The following MECR variants were observed in gnomAD, a reference collection of about 807,000 sequenced individuals.
The protein encoded by MECR is enoyl-[acyl-carrier-protein] reductase, mitochondrial.
MECR carries 37 observed loss-of-function variants against 49.1 expected under a neutral mutation model. The observed-to-expected ratio is 0.75, with a 90% CI of 0.58 to 0.99. The LOEUF is 0.99. MECR is among the 50% of genes least tolerant of loss of function. The probability of loss-of-function intolerance (pLI) is 0.00; values close to 1 mark genes in which losing one functional copy is unlikely to be tolerated. For missense variants in MECR, 470 were observed against 479.6 expected (o/e 0.98, Z 0.19); for synonymous variants, 198 against 191.1 (o/e 1.04, Z -0.30).
At chr1:29,200,643 C>A in intron 6 of MECR, 54 bp from the exon 7 acceptor site, 2 of 1,508,692 alleles carry the variant, frequency 1.3e-6, no homozygotes, top group Non-Finnish European at 1.8e-6. Flanking sequence ...CATATGGGGT[C>A]TGAAGCTTGC....
In MECR at chr1:29,199,115, T is replaced by A. The variant is rs114064567; in HGVS notation, c.830+1401A>T. 4.8e-3 allele frequency among the ~76,000 whole-genome samples: 724 copies of A among 152,358 alleles called. 5 individuals are homozygous for A. The highest frequency in any genetic ancestry group is 0.017 in the African/African-American group (700 of 41,582). On this transcript the variant is annotated intron_variant, in intron 7 of 9. Transcript: ENST00000263702. The stretch of plus-strand genomic sequence containing the variant: ...CACATCAGTGTCGCAGCCCTCTCTG[T>A]ACCTGGTAGCTAGTAAGTGCTCAGC...
the MECR span, among the ~76,000 whole-genome samples, chr1:29,180,899 T>C: frequency 6.6e-6 from 1 of 152,230 alleles, no homozygotes; most frequent in Admixed American, 6.5e-5. Flanking sequence ...CAGACGCAGA[T>C]ACTAGCCAGG....
intron 3 of MECR, among the ~76,000 whole-genome samples, chr1:29,213,493 C>G (rs565804903): frequency 6.6e-6 from 1 of 152,212 alleles, no homozygotes; most frequent in African/African-American, 2.4e-5. Context: ...ACCTGTATCA[C>G]AGAGGAGGGT....
chr1:29,229,350 C>G (rs1052651809), intron 1 of MECR, among the ~76,000 whole-genome samples: 1 of 152,014 alleles, frequency 6.6e-6, no homozygotes, highest in East Asian at 1.9e-4. Flanking sequence ...TTACAGGTGC[C>G]CACCACCAAG....
chr1:29,193,879 G>T lies in MECR; in HGVS notation c.*143C>A. 6.1e-6 allele frequency: 6 copies of T among 978,972 alleles called. No individual in the cohort carries two copies. The highest frequency in any genetic ancestry group is 9.0e-6 in the Non-Finnish European group (6 of 664,486). 60.6% of individuals were successfully genotyped at this position (978,972 alleles called of 1,614,324 possible). A position where few individuals can be genotyped will look rare whatever the true frequency, so the allele number is the denominator to read the frequency against. On this transcript the variant is annotated 3_prime_UTR_variant, in exon 10 of 10. Transcript: ENST00000263702. ...TAAGGCTGGCCCTGGGGAAAACCGT[G>T]GCTGGCTTCACCATCCTCCTAATAG...
intron 9 of MECR, among the ~76,000 whole-genome samples, chr1:29,195,499 T>C (rs986125690): frequency 6.6e-6 from 1 of 152,212 alleles, no homozygotes; most frequent in East Asian, 1.9e-4. Flanking sequence ...TTAACCACTC[T>C]GAACCTCAAT....
chr1:29,169,710 T>C, the MECR span: 1 of 152,288 alleles, frequency 6.6e-6, no homozygotes, highest in Non-Finnish European at 1.5e-5. Flanking sequence ...TCTCTAATGA[T>C]GAACTAACCA....
At chr1:29,195,655 A>C (rs977559969) in intron 9 of MECR, among the ~76,000 whole-genome samples, 1 of 152,234 alleles carries the variant, frequency 6.6e-6, no homozygotes, top group Non-Finnish European at 1.5e-5. Flanking sequence ...GAACCCAGGC[A>C]GGCTGGCTCC....
intron 3 of MECR, among the ~76,000 whole-genome samples, chr1:29,214,518 C>T (rs377551783): frequency 9.2e-5 from 14 of 151,896 alleles, no homozygotes; most frequent in African/African-American, 3.4e-4. Context: ...CATGCCACCA[C>T]ACCCGGCTAA....
At chr1:29,169,043 C>T in the MECR span, 4 of 152,216 alleles carry the variant, frequency 2.6e-5, no homozygotes, top group Non-Finnish European at 4.4e-5. Context: ...TAACATGCAG[C>T]CCACTAGGAC....
the MECR span, chr1:29,173,336 G>C: frequency 5.3e-5 from 8 of 151,252 alleles, no homozygotes; most frequent in African/African-American, 1.9e-4. Context: ...AGTAGAGATA[G>C]GGTTTCACCA....
downstream of MECR, among the ~76,000 whole-genome samples, chr1:29,188,886 C>T (rs1382665727): frequency 6.6e-6 from 1 of 151,858 alleles, no homozygotes; most frequent in Admixed American, 6.6e-5. Context: ...GATCTGCCTG[C>T]CTCTGCCTCC....
chr1:29,177,951 G>A, the MECR span, among the ~76,000 whole-genome samples: 2 of 137,158 alleles, frequency 1.5e-5, no homozygotes, highest in Middle Eastern at 4.3e-3. Flanking sequence ...CTAGGTTGGA[G>A]TGCAGTGATG....
At chr1:29,223,027 T>G in intron 1 of MECR, 1 of 935,110 alleles carries the variant, frequency 1.1e-6, no homozygotes, top group South Asian at 4.9e-5. Context: ...TCTTCCCTGT[T>G]CTTTAAAAAA....
chr1:29,210,224 G>A (rs1361505619), intron 3 of MECR, among the ~76,000 whole-genome samples: 1 of 152,144 alleles, frequency 6.6e-6, no homozygotes, highest in Non-Finnish European at 1.5e-5. Flanking sequence ...GTGTTAGCCA[G>A]GATGGTCTCG....
chr1:29,192,331 G>T (rs527384743), downstream of MECR, among the ~76,000 whole-genome samples: 3 of 152,138 alleles, frequency 2.0e-5, no homozygotes, highest in South Asian at 2.1e-4. Context: ...TGTGCTGTTG[G>T]CTTTGCTTGG....
intron 7 of MECR, 24 bp from the exon 8 acceptor site, chr1:29,196,282 G>C (rs531281265): frequency 1.3e-6 from 2 of 1,599,842 alleles, no homozygotes; most frequent in East Asian, 4.5e-5. Flanking sequence ...AGAGAACAAA[G>C]AGTGGATGCA....
intron 3 of MECR, among the ~76,000 whole-genome samples, chr1:29,214,906 T>A (rs550761844): frequency 3.5e-4 from 54 of 152,338 alleles, no homozygotes; most frequent in Non-Finnish European, 6.0e-4. Context: ...CCTTGAAAAC[T>A]GTTAAGTGCT....
At chr1:29,226,361 G>A (rs1248592421) in intron 1 of MECR, among the ~76,000 whole-genome samples, 7 of 151,970 alleles carry the variant, frequency 4.6e-5, no homozygotes, top group Non-Finnish European at 8.8e-5. Flanking sequence ...AACTTTCCCA[G>A]GATTGGGGCT....
Sources: allele counts gnomAD v4.1 joint callset (sites outside exome capture counted in the v4.1 genomes callset), GRCh38; gene constraint gnomAD v4.1.1; transcripts MANE v1.5; gene names NCBI Gene and HGNC (gene_info 2026-07-23, HGNC 2026-07-21).